Variants in EXOC6B observed in about 807,000 individuals in gnomAD.
EXOC6B encodes SEC15 homolog B.
In EXOC6B, 54 loss-of-function variants were observed where a neutral mutation model predicts 113.5. That is an observed-to-expected ratio of 0.48 (90% CI 0.38 to 0.60). The LOEUF is 0.60. Among genes scored for constraint, EXOC6B ranks in the 20% least tolerant of loss-of-function variants. The pLI, the probability that EXOC6B is intolerant of heterozygous loss-of-function variation, is 0.00. For synonymous variants in EXOC6B, 357 were observed against 339.0 expected, an observed-to-expected ratio of 1.05 and a Z score of -0.58; for missense variants, 797 against 977.5, an observed-to-expected ratio of 0.82 and a Z score of 2.46.
At chr2:72,773,555 C>T (rs558373947) in intron 1 of EXOC6B, among the ~76,000 whole-genome samples, 1 of 151,004 alleles carries the variant, frequency 6.6e-6, no homozygotes, top group Non-Finnish European at 1.5e-5. Context: ...TCATTCTATA[C>T]CTTAGGTATA....
intron 18 of EXOC6B, among the ~76,000 whole-genome samples, chr2:72,431,503 A>ATCTATCTATCTATCTC (rs1233777538): frequency 3.3e-5 from 5 of 150,550 alleles, no homozygotes; most frequent in Admixed American, 1.3e-4. Context: ...CTATCTATCT[A>ATCTATCTATCTATCTC]TCTATCTATC....
At position 72,543,665 on chromosome 2, in the gene EXOC6B, G is replaced by A. The variant is rs150109755; in HGVS notation, c.915+15788C>T. Among the ~76,000 whole-genome samples, 36 of 152,226 alleles carry A rather than the reference G, an allele frequency of 2.4e-4. 1 individual carries two copies. The highest frequency in any genetic ancestry group is 3.4e-3 in the Middle Eastern group (1 of 294). On this transcript the variant is annotated intron_variant, in intron 8 of 21. Coordinates refer to ENST00000272427, the MANE Select transcript of EXOC6B (RefSeq NM_015189.3). Reference sequence around the variant, plus strand: ...TGTTAGATCACAGCTACTACAAACCGGAGCCCATTAGCCCATAGTGCAGGA... The same window carrying A: ...TGTTAGATCACAGCTACTACAAACCAGAGCCCATTAGCCCATAGTGCAGGA...
intron 1 of EXOC6B, among the ~76,000 whole-genome samples, chr2:72,747,349 T>C (rs1345745811): frequency 2.6e-5 from 4 of 151,998 alleles, no homozygotes; most frequent in African/African-American, 2.4e-5. Context: ...TCCTGAAGCA[T>C]TCAGGAAAAG....
intron 20 of EXOC6B, among the ~76,000 whole-genome samples, chr2:72,191,508 T>A (rs1380540994): frequency 6.6e-6 from 1 of 152,178 alleles, no homozygotes; most frequent in East Asian, 1.9e-4. Flanking sequence ...GTTGTTGTTG[T>A]TGTTTTGTTT....
At chr2:72,671,819 G>GA (rs1553464116) in intron 6 of EXOC6B, among the ~76,000 whole-genome samples, 11 of 133,020 alleles carry the variant, frequency 8.3e-5, no homozygotes, top group African/African-American at 3.0e-4. Context: ...AAGAAAGAAA[G>GA]AAGAGAAAAG....
intron 6 of EXOC6B, among the ~76,000 whole-genome samples, chr2:72,693,442 A>G (rs1677644984): frequency 1.3e-5 from 2 of 152,202 alleles, no homozygotes; most frequent in South Asian, 2.1e-4. Context: ...CTAATCCAGG[A>G]TCTGCTGTGT....
chr2:72,531,870 G>T (rs1702020594), intron 8 of EXOC6B, among the ~76,000 whole-genome samples: 1 of 152,254 alleles, frequency 6.6e-6, no homozygotes, highest in South Asian at 2.1e-4. Context: ...TGTAATCCCA[G>T]CTACTCGGGA....
chr2:72,790,928 T>C (rs760861410), intron 1 of EXOC6B, among the ~76,000 whole-genome samples: 2 of 152,112 alleles, frequency 1.3e-5, no homozygotes, highest in Non-Finnish European at 2.9e-5. Context: ...CTATGGTTAC[T>C]AGAGGCTGGG....
intron 6 of EXOC6B, among the ~76,000 whole-genome samples, chr2:72,598,207 A>C (rs1460532124): frequency 6.6e-6 from 1 of 152,002 alleles, no homozygotes; most frequent in African/African-American, 2.4e-5. Context: ...AATTTTAAAG[A>C]ATAGAAATCA....
chr2:72,616,043 T>C (rs1671368929), intron 6 of EXOC6B, among the ~76,000 whole-genome samples: 1 of 152,058 alleles, frequency 6.6e-6, no homozygotes, highest in Non-Finnish European at 1.5e-5. Context: ...CATATAAAAA[T>C]ACCTTTATAC....
intron 20 of EXOC6B, among the ~76,000 whole-genome samples, chr2:72,291,587 C>T (rs1410157302): frequency 6.6e-6 from 1 of 152,182 alleles, no homozygotes; most frequent in East Asian, 1.9e-4. Flanking sequence ...CTGATGTTTT[C>T]ACTGTGGTGT....
chr2:72,532,748 C>T (rs1341937258), intron 8 of EXOC6B, among the ~76,000 whole-genome samples: 3 of 151,946 alleles, frequency 2.0e-5, no homozygotes, highest in African/African-American at 7.3e-5. Context: ...GCGGAGGTTG[C>T]AGTGAGCCGA....
intron 18 of EXOC6B, among the ~76,000 whole-genome samples, chr2:72,394,096 T>C (rs1042099913): frequency 6.6e-5 from 10 of 152,154 alleles, no homozygotes; most frequent in African/African-American, 2.4e-4. Flanking sequence ...TTTAATACAG[T>C]ACCTGGATTA....
chr2:72,762,524 T>C (rs924100927), intron 1 of EXOC6B, among the ~76,000 whole-genome samples: 1 of 151,590 alleles, frequency 6.6e-6, no homozygotes, highest in African/African-American at 2.4e-5. Flanking sequence ...AATGGAAAGA[T>C]ACCTGTAAAG....
chr2:72,780,509 G>A (rs931760611), intron 1 of EXOC6B, among the ~76,000 whole-genome samples: 3 of 152,126 alleles, frequency 2.0e-5, no homozygotes, highest in Admixed American at 6.5e-5. Flanking sequence ...AGTATTCTGT[G>A]CCCTAAAATA....
At chr2:72,596,012 A>G (rs911483050) in intron 6 of EXOC6B, among the ~76,000 whole-genome samples, 2 of 152,196 alleles carry the variant, frequency 1.3e-5, no homozygotes, top group African/African-American at 4.8e-5. Flanking sequence ...GGTGGAAAAA[A>G]GAAAAGGAAG....
At chr2:72,711,560 C>T (rs1269153554) in intron 6 of EXOC6B, among the ~76,000 whole-genome samples, 1 of 152,096 alleles carries the variant, frequency 6.6e-6, no homozygotes, top group South Asian at 2.1e-4. Context: ...GTACCATGCC[C>T]TATATAACTG....
intron 6 of EXOC6B, among the ~76,000 whole-genome samples, chr2:72,576,299 G>GT (rs750758445): frequency 9.9e-5 from 15 of 151,832 alleles, no homozygotes; most frequent in Non-Finnish European, 1.8e-4. Context: ...GTTTTAAAGG[G>GT]TTTTTTCTTC....
chr2:72,824,578 C>CAATT (rs887509235), intron 1 of EXOC6B, among the ~76,000 whole-genome samples: 28 of 152,040 alleles, frequency 1.8e-4, no homozygotes, highest in African/African-American at 6.5e-4. Flanking sequence ...GCCTGCCCTC[C>CAATT]AATTAGTCTT....
Sources: gnomAD v4.1 joint callset for allele counts (sites outside exome capture counted in the v4.1 genomes callset) on GRCh38, gnomAD v4.1.1 for gene constraint, MANE v1.5 for transcripts, NCBI Gene and HGNC (gene_info 2026-07-23, HGNC 2026-07-21) for gene names.